The following NR3C1 variants were observed in gnomAD, a reference collection of about 807,000 sequenced individuals.
NR3C1 encodes the protein nuclear receptor subfamily 3 group C member 1, also known as glucocorticoid receptor.
A neutral mutation model predicts 74.0 loss-of-function variants in NR3C1; 14 were observed. The observed-to-expected ratio is 0.19, with a 90% CI of 0.12 to 0.30. The LOEUF is 0.30. NR3C1 is among the 10% of genes least tolerant of loss of function. The pLI, the probability that NR3C1 is intolerant of heterozygous loss-of-function variation, is 1.00. For missense variants in NR3C1, 695 were observed against 909.8 expected (o/e 0.76, Z 3.04); for synonymous variants, 308 against 332.5 (o/e 0.93, Z 0.80).
chr5:143,393,756 AG>A (rs1237444788), intron 2 of NR3C1, among the ~76,000 whole-genome samples: 2 of 152,136 alleles, frequency 1.3e-5, no homozygotes, highest in African/African-American at 4.8e-5. Flanking sequence ...TAAATCATGT[AG>A]TGAATTGTAT....
intron 2 of NR3C1, chr5:143,389,872 C>T (rs1837923919): frequency 1.2e-6 from 1 of 863,276 alleles, no homozygotes; most frequent in South Asian, 5.3e-5. Context: ...AGCAGTAAAA[C>T]ATTACCTGCC....
At chr5:143,332,835 A>C in intron 2 of NR3C1, 1 of 1,479,090 alleles carries the variant, frequency 6.8e-7, no homozygotes, top group Non-Finnish European at 9.3e-7. Context: ...ACTTCGCCTA[A>C]AGAAAATTTT....
At chr5:143,290,145 A>G (rs1815512555) in intron 7 of NR3C1, among the ~76,000 whole-genome samples, 2 of 152,374 alleles carry the variant, frequency 1.3e-5, no homozygotes, top group African/African-American at 2.4e-5. Flanking sequence ...AAATGCTTTA[A>G]GGAGTATTTT....
At chr5:143,344,147 T>A (rs10482648) in intron 2 of NR3C1, among the ~76,000 whole-genome samples, 32 of 152,218 alleles carry the variant, frequency 2.1e-4, no homozygotes, top group Non-Finnish European at 3.5e-4. Context: ...TATTTTGCTA[T>A]GGCTCATTTG....
Position 143,403,372 on chromosome 5 carries a change from A to C in NR3C1, c.-175T>G, listed in dbSNP as rs1840723334. On this transcript the variant is annotated 5_prime_UTR_variant, in exon 1 of 9. Coordinates refer to ENST00000394464, the MANE Select transcript of NR3C1 (RefSeq NM_000176.3). ...CCCCTTTCTCCATGGGTGGGGGGAG[A>C]GCCCCTATTTAAGAAAGTCTCCCAT... is the stretch of plus-strand genomic sequence containing the variant. The C allele has an allele frequency of 2.0e-6, 2 of 984,962 alleles. No individual in the cohort carries two copies. Among genetic ancestry groups the C allele is most frequent in the Non-Finnish European group, 2.4e-6 (2 of 829,898 alleles). 61.0% of individuals were successfully genotyped at this position (984,962 alleles called of 1,614,324 possible).
At chr5:143,310,686 C>A (rs1215142891) in intron 3 of NR3C1, among the ~76,000 whole-genome samples, 1 of 152,102 alleles carries the variant, frequency 6.6e-6, no homozygotes, top group East Asian at 1.9e-4. Flanking sequence ...TGGAGTCTCG[C>A]TCTGTCGCCC....
At chr5:143,355,266 G>A (rs1221967203) in intron 2 of NR3C1, among the ~76,000 whole-genome samples, 2 of 152,120 alleles carry the variant, frequency 1.3e-5, no homozygotes, top group African/African-American at 2.4e-5. Context: ...AACATTTGGA[G>A]GGCTTTACTA....
chr5:143,320,382 T>G (rs1420204280), intron 2 of NR3C1, among the ~76,000 whole-genome samples: 1 of 152,202 alleles, frequency 6.6e-6, no homozygotes, highest in Admixed American at 6.5e-5. Context: ...TCATCCAAAC[T>G]CTGCATCATT....
rs1840070278 is a variant in NR3C1, at chr5:143,400,511, A to G, written c.329T>C (p.Ile110Thr). ...NDLGFPQQGQ[I>T]SLSSGETDLK... ...GTCTGTTTCCCCCGAGGAAAGGCTG[A>G]TTTGGCCCTGCTGTGGGAATCCCAG... Residue 110 changes from isoleucine (I) to threonine (T), a missense_variant, in exon 2 of 9, where the codon ATC becomes ACC. Ile to Thr is a moderately conservative substitution (Grantham distance 89, BLOSUM62 -1). This residue lies in a region of NR3C1 where 497 missense variants were observed against 489.5 expected (regional missense o/e 1.02). Transcript: ENST00000394464. The G allele has an allele frequency of 1.2e-6, 2 of 1,614,050 alleles. No individual in the cohort carries two copies. Among genetic ancestry groups the G allele is most frequent in the Non-Finnish European group, 1.7e-6 (2 of 1,180,036 alleles).
intron 7 of NR3C1, among the ~76,000 whole-genome samples, chr5:143,283,919 C>A (rs1278052677): frequency 6.6e-6 from 1 of 152,126 alleles, no homozygotes; most frequent in South Asian, 2.1e-4. Flanking sequence ...ACATATTAGG[C>A]AGACTTCTGA....
chr5:143,297,028 G>C (rs1293676698), intron 6 of NR3C1, among the ~76,000 whole-genome samples: 2 of 130,138 alleles, frequency 1.5e-5, no homozygotes, highest in East Asian at 4.7e-4. Context: ...CATGAGCCAA[G>C]ATCACACCAC....
intron 2 of NR3C1, among the ~76,000 whole-genome samples, chr5:143,392,234 G>A (rs1413769084): frequency 6.6e-6 from 1 of 152,030 alleles, no homozygotes. Context: ...CAAAGTGCTG[G>A]GATTACAGGC....
intron 2 of NR3C1, among the ~76,000 whole-genome samples, chr5:143,341,565 AAGAAG>A (rs1828230006): frequency 6.6e-6 from 1 of 152,352 alleles, no homozygotes; most frequent in East Asian, 1.9e-4. Flanking sequence ...TTTCAAACAC[AAGAAG>A]AGAAGTCTTC....
In NR3C1 at chr5:143,278,556, T is replaced by C. The variant is rs1391712168; in HGVS notation, c.*3333A>G. The C allele has an allele frequency of 3.3e-5, 5 of 152,200 alleles. No individual in the cohort carries two copies. Among genetic ancestry groups the C allele is most frequent in the Non-Finnish European group, 5.9e-5 (4 of 68,040 alleles). 9.4% of individuals were successfully genotyped at this position (152,200 alleles called of 1,614,324 possible). On this transcript the variant is annotated 3_prime_UTR_variant, in exon 9 of 9. Coordinates refer to ENST00000394464, the MANE Select transcript of NR3C1 (RefSeq NM_000176.3). Reference sequence around the variant, plus strand: ...TTAAAGTGTCCTCCTTACACTTTTATTTCCCTTCTGACACTAAAACCAGAC... The same window carrying C: ...TTAAAGTGTCCTCCTTACACTTTTACTTCCCTTCTGACACTAAAACCAGAC...
Position 143,310,275 on chromosome 5 carries a change from A to T in NR3C1, c.1352-62T>A, listed in dbSNP as rs1820605995. ...GTCTTCAAACATATTTTATAAGGAC[A>T]GCCTCTGTCTTTGTTTCCGGTGGAA... On this transcript the variant is annotated intron_variant, in intron 3 of 8. Transcript: ENST00000394464. 4 of 1,184,954 alleles carry T rather than the reference A, an allele frequency of 3.4e-6. No homozygotes were observed. In the South Asian group the frequency reaches 4.9e-5, roughly 15 times the overall value. The allele number at this position is 1,184,954 out of a possible 1,614,324, so 73.4% of individuals were successfully genotyped here.
In NR3C1 at chr5:143,354,213, A is replaced by G. The variant is rs979830885; in HGVS notation, c.1185-40045T>C. Among the ~76,000 whole-genome samples the G allele has an allele frequency of 4.6e-5, 7 of 152,360 alleles. No individual in the cohort carries two copies. The South Asian group carries it at 8.3e-4, about 18-fold the overall frequency. The stretch of plus-strand genomic sequence containing the variant: ...GGTTTGATCTTCTGTCCAGACCACT[A>G]AAACTTTCTTCGTATCAGCAAGAAG... On this transcript the variant is annotated intron_variant, in intron 2 of 8. Transcript: ENST00000394464.
chr5:143,408,130 CTG>C (rs760287534), upstream of NR3C1, among the ~76,000 whole-genome samples: 19 of 152,290 alleles, frequency 1.2e-4, no homozygotes, highest in East Asian at 2.5e-3. Flanking sequence ...AGCCCACTGA[CTG>C]GAGTTCCATG....
chr5:143,310,020 C>T lies in NR3C1; in HGVS notation c.1468+77G>A, dbSNP rs957325747. ...TGACTACATTAATTACATCTGCTTA[C>T]GTGTATCTTCAAAAGTAAAATGATA... On this transcript the variant is annotated intron_variant, in intron 4 of 8. Coordinates refer to ENST00000394464, the MANE Select transcript of NR3C1 (RefSeq NM_000176.3). The T allele has an allele frequency of 2.9e-5, 30 of 1,039,032 alleles. No individual in the cohort carries two copies. In the African/African-American group the frequency reaches 3.0e-4, roughly 10 times the overall value. The allele number at this position is 1,039,032 out of a possible 1,614,324, so 64.4% of individuals were successfully genotyped here.
chr5:143,325,113 C>T (rs1824277208), intron 2 of NR3C1, among the ~76,000 whole-genome samples: 1 of 152,144 alleles, frequency 6.6e-6, no homozygotes, highest in African/African-American at 2.4e-5. Context: ...TCAGCAACAC[C>T]CACTCTACTG....
Sources: gnomAD v4.1 joint callset for allele counts (sites outside exome capture counted in the v4.1 genomes callset) on GRCh38, gnomAD v4.1.1 for gene constraint, gnomAD v4.1.1 regional missense constraint, MANE v1.5 for transcripts, NCBI Gene and HGNC (gene_info 2026-07-23, HGNC 2026-07-21) for gene names.